Variants in LRP1B observed in about 807,000 individuals in gnomAD.
LRP1B encodes low-density lipoprotein receptor-related protein 1B.
In LRP1B, 217 loss-of-function variants were observed where a neutral mutation model predicts 556.6. That is an observed-to-expected ratio of 0.39 (90% CI 0.35 to 0.44). The LOEUF (loss-of-function observed/expected upper bound fraction) is 0.44, where lower values mean the gene tolerates loss of function less well. LRP1B is among the 20% of genes least tolerant of loss of function. The pLI is 1.00. For synonymous variants in LRP1B, 2,047 were observed against 1,865.8 expected, an observed-to-expected ratio of 1.10 and a Z score of -2.50; for missense variants, 5,053 against 5,620.8, an observed-to-expected ratio of 0.90 and a Z score of 3.23.
chr2:140,310,909 T>C (rs1361611087), intron 83 of LRP1B, among the ~76,000 whole-genome samples: 1 of 151,832 alleles, frequency 6.6e-6, no homozygotes, highest in African/African-American at 2.4e-5. Context: ...GGGACTTAAT[T>C]AGACTAAAAC....
At chr2:141,453,921 A>G (rs1272806448) in intron 3 of LRP1B, among the ~76,000 whole-genome samples, 1 of 143,026 alleles carries the variant, frequency 7.0e-6, no homozygotes, top group Non-Finnish European at 1.6e-5. Flanking sequence ...TCAAAAAAAA[A>G]AAAAGAAAAA....
At chr2:140,655,327 C>A (rs949095667) in intron 41 of LRP1B, among the ~76,000 whole-genome samples, 1 of 152,082 alleles carries the variant, frequency 6.6e-6, no homozygotes, top group Non-Finnish European at 1.5e-5. Flanking sequence ...AAATTTCTAG[C>A]AAATGAACTG....
chr2:141,107,663 A>T (rs1700640912), intron 7 of LRP1B, among the ~76,000 whole-genome samples: 1 of 152,082 alleles, frequency 6.6e-6, no homozygotes, highest in African/African-American at 2.4e-5. Flanking sequence ...AACAAGAAAG[A>T]AAGACTATAT....
intron 1 of LRP1B, among the ~76,000 whole-genome samples, chr2:142,120,119 G>GTTTA (rs1450340020): frequency 6.6e-6 from 1 of 151,876 alleles, no homozygotes; most frequent in African/African-American, 2.4e-5. Flanking sequence ...AGGTTTTTTT[G>GTTTA]TTTGTTTGTT....
intron 3 of LRP1B, among the ~76,000 whole-genome samples, chr2:141,397,760 A>C (rs1298800880): frequency 1.3e-5 from 2 of 151,382 alleles, no homozygotes; most frequent in African/African-American, 2.4e-5. Flanking sequence ...ATTGTGCTGA[A>C]GGCTGGTGGT....
chr2:141,065,014 G>A (rs1330209335), intron 7 of LRP1B, among the ~76,000 whole-genome samples: 1 of 151,842 alleles, frequency 6.6e-6, no homozygotes, highest in East Asian at 1.9e-4. Flanking sequence ...GTATTTTACA[G>A]ATGAAATAGT....
At chr2:141,325,203 T>C (rs1687387852) in intron 3 of LRP1B, among the ~76,000 whole-genome samples, 1 of 122,628 alleles carries the variant, frequency 8.2e-6, no homozygotes, top group Admixed American at 8.2e-5. Flanking sequence ...TCTGATGAAA[T>C]AGATTTTCAA....
At chr2:141,311,234 GA>G (rs1686801305) in intron 3 of LRP1B, among the ~76,000 whole-genome samples, 3 of 152,164 alleles carry the variant, frequency 2.0e-5, no homozygotes, top group Non-Finnish European at 4.4e-5. Flanking sequence ...GTGGCACAGA[GA>G]GGCCACACAT....
chr2:141,764,229 G>A (rs1694658735), intron 2 of LRP1B, among the ~76,000 whole-genome samples: 1 of 152,100 alleles, frequency 6.6e-6, no homozygotes, highest in South Asian at 2.1e-4. Flanking sequence ...CGCCCAGGCT[G>A]GAGTGCAGTG....
chr2:140,371,236 A>G lies in LRP1B; in HGVS notation c.10818T>C (p.Cys3606=), dbSNP rs376600232. The stretch of plus-strand genomic sequence containing the variant: ...CATTACATTTCAAAGATGCTGAAAT[A>G]CATCCATCACTGGCACATATATATT... The part of the protein sequence containing the change: ...SREYICASDG[C]ISASLKCNGE... Residue 3606 remains cysteine, a synonymous_variant, in exon 70 of 91, where the codon TGT becomes TGC. Transcript: ENST00000389484. The G allele has an allele frequency of 4.4e-6, 7 of 1,598,098 alleles. No homozygotes were observed. In the African/African-American group the frequency reaches 6.7e-5, roughly 15 times the overall value.
intron 1 of LRP1B, among the ~76,000 whole-genome samples, chr2:141,870,792 T>C (rs1272419608): frequency 2.6e-5 from 4 of 151,964 alleles, no homozygotes; most frequent in African/African-American, 4.8e-5. Flanking sequence ...TATATCAGAA[T>C]TGTTGCTGTA....
At chr2:141,195,841 T>A (rs762312851) in intron 6 of LRP1B, among the ~76,000 whole-genome samples, 6 of 152,052 alleles carry the variant, frequency 3.9e-5, no homozygotes, top group African/African-American at 1.4e-4. Flanking sequence ...ACTAGTGTTA[T>A]GAAGAAAACA....
intron 3 of LRP1B, among the ~76,000 whole-genome samples, chr2:141,440,821 T>C (rs1680937039): frequency 2.0e-5 from 3 of 152,204 alleles, no homozygotes; most frequent in South Asian, 4.1e-4. Context: ...TTTTAACAAG[T>C]TGCAGCGGTG....
Position 140,485,446 on chromosome 2 carries a change from T to C in LRP1B, c.9322A>G (p.Lys3108Glu), listed in dbSNP as rs1416618412. ...AGTTTGGATACTTCAATGATTCTTT[T>C]TTCTGTGTCAGACCAATAGAGGTTT... ...GKNLYWSDTE[K>E]RIIEVSKLNG... The change falls in exon 59 of 91, where the codon AAA (lysine) becomes GAA (glutamate). Residue 3108 changes from lysine to glutamate, a missense_variant. Transcript: ENST00000389484. The C allele has an allele frequency of 6.2e-7, 1 of 1,613,986 alleles. No individual in the cohort carries two copies. Among genetic ancestry groups the C allele is most frequent in the Admixed American group, 1.7e-5 (1 of 60,004 alleles).
chr2:140,976,086 T>C (rs756494330), intron 18 of LRP1B, among the ~76,000 whole-genome samples: 1 of 151,756 alleles, frequency 6.6e-6, no homozygotes, highest in African/African-American at 2.4e-5. Flanking sequence ...CCTGGCTAAT[T>C]TTTTTGTATT....
chr2:141,194,639 C>T (rs889474447), intron 6 of LRP1B, among the ~76,000 whole-genome samples: 15 of 152,230 alleles, frequency 9.9e-5, no homozygotes, highest in African/African-American at 3.6e-4. Context: ...CCAAGGGCCA[C>T]TAGTGTGATG....
intron 35 of LRP1B, among the ~76,000 whole-genome samples, chr2:140,717,257 A>T (rs1322584953): frequency 1.3e-5 from 2 of 152,032 alleles, no homozygotes; most frequent in Non-Finnish European, 2.9e-5. Flanking sequence ...CAAAACCTCA[A>T]AGTAGAGAGA....
At chr2:141,963,456 T>C (rs1701464531) in intron 1 of LRP1B, among the ~76,000 whole-genome samples, 1 of 151,838 alleles carries the variant, frequency 6.6e-6, no homozygotes, top group Non-Finnish European at 1.5e-5. Context: ...AATCAATAAA[T>C]GTAATCCAGC....
intron 41 of LRP1B, among the ~76,000 whole-genome samples, chr2:140,623,641 T>C (rs490176): frequency 0.99 from 150,409 of 152,158 alleles, 74,367 homozygotes; most frequent in Middle Eastern, 1. Context: ...TTTGCTGGCC[T>C]AGCACGGTGG....
Sources: allele counts gnomAD v4.1 joint callset (sites outside exome capture counted in the v4.1 genomes callset), GRCh38; gene constraint gnomAD v4.1.1; transcripts MANE v1.5; gene names NCBI Gene and HGNC (gene_info 2026-07-23, HGNC 2026-07-21).